Variants in LRRC49 observed in about 807,000 individuals in gnomAD.
LRRC49 encodes leucine rich repeat containing 49.
Under a neutral mutation model 83.3 loss-of-function variants are expected in LRRC49, and 50 were observed. That is an observed-to-expected ratio of 0.60 (90% CI 0.48 to 0.76). LRRC49 has a LOEUF of 0.76. Ranked by LOEUF, LRRC49 falls within the 30% of genes least tolerant of loss-of-function variation. The probability of loss-of-function intolerance (pLI) is 0.00; values close to 1 mark genes in which losing one functional copy is unlikely to be tolerated. For missense variants in LRRC49, 704 were observed against 809.1 expected (o/e 0.87, Z 1.58); for synonymous variants, 286 against 283.3 (o/e 1.01, Z -0.10).
intron 14 of LRRC49, among the ~76,000 whole-genome samples, chr15:71,027,174 T>C (rs2039199325): frequency 6.6e-6 from 1 of 152,244 alleles, no homozygotes; most frequent in African/African-American, 2.4e-5. Flanking sequence ...TAGCCAGTTT[T>C]CCCAGCACCA....
At chr15:70,956,273 G>A (rs1314104226) in intron 8 of LRRC49, among the ~76,000 whole-genome samples, 1 of 152,012 alleles carries the variant, frequency 6.6e-6, no homozygotes, top group African/African-American at 2.4e-5. Context: ...TTCCTTTCGG[G>A]ATATGAATTT....
chr15:70,959,221 G>A (rs544395749), intron 8 of LRRC49, among the ~76,000 whole-genome samples: 5 of 152,208 alleles, frequency 3.3e-5, no homozygotes, highest in East Asian at 1.9e-4. Context: ...GGCTGGATGC[G>A]GTGGCTCACG....
Position 70,963,802 on chromosome 15 carries a change from G to A in LRRC49, c.791G>A (p.Cys264Tyr). 6.2e-7 allele frequency: 1 copy of A among 1,613,320 alleles called. No individual in the cohort carries two copies. Among genetic ancestry groups the A allele is most frequent in the South Asian group, 1.1e-5 (1 of 90,958 alleles). ...NNISSFDSVS[C>Y]LADSSSLSDI... ...TCCTGCAGTTTTGACAGTGTTTCCT[G>A]CCTTGCTGACTCTTCTTCCCTCTCG... The change falls in exon 9 of 16, where the codon TGC (cysteine) becomes TAC (tyrosine). Residue 264 changes from cysteine to tyrosine, a missense_variant. Physicochemically the swap from Cys to Tyr is radical, Grantham distance 194. Coordinates refer to ENST00000260382, the MANE Select transcript of LRRC49 (RefSeq NM_017691.5).
upstream of LRRC49, chr15:70,892,530 T>C: frequency 1.3e-6 from 2 of 1,516,942 alleles, no homozygotes; most frequent in East Asian, 2.5e-5. Flanking sequence ...GATACAAATT[T>C]CGCGCGGGCA....
At chr15:70,941,077 G>C (rs550112566) in intron 8 of LRRC49, among the ~76,000 whole-genome samples, 2 of 152,126 alleles carry the variant, frequency 1.3e-5, no homozygotes, top group Non-Finnish European at 2.9e-5. Flanking sequence ...GTATAGTAAG[G>C]TGGCATATAG....
chr15:70,939,603 G>T (rs2035729287), intron 8 of LRRC49, among the ~76,000 whole-genome samples: 1 of 152,128 alleles, frequency 6.6e-6, no homozygotes, highest in African/African-American at 2.4e-5. Flanking sequence ...AGGGTGGTGG[G>T]TGTGGTGTGT....
intron 9 of LRRC49, among the ~76,000 whole-genome samples, chr15:70,976,958 C>T (rs1442054465): frequency 2.0e-5 from 3 of 152,030 alleles, no homozygotes; most frequent in Non-Finnish European, 4.4e-5. Context: ...ATCCAGTTTT[C>T]CAAGGTTTAG....
At chr15:71,043,379 C>T (rs960297894) in intron 15 of LRRC49, among the ~76,000 whole-genome samples, 1 of 152,168 alleles carries the variant, frequency 6.6e-6, no homozygotes, top group Non-Finnish European at 1.5e-5. Context: ...TAGTTTATCT[C>T]ATCAGAATTG....
chr15:70,970,010 T>G (rs921176230), intron 9 of LRRC49, among the ~76,000 whole-genome samples: 2 of 152,168 alleles, frequency 1.3e-5, no homozygotes, highest in African/African-American at 4.8e-5. Context: ...CTTCCAATAC[T>G]ATGTTGAATA....
chr15:70,893,614 A>T lies in LRRC49; in HGVS notation c.79A>T (p.Thr27Ser), dbSNP rs1021317873. The T allele has an allele frequency of 1.2e-6, 2 of 1,611,258 alleles. No homozygotes were observed. The highest frequency in any genetic ancestry group is 1.3e-5 in the African/African-American group (1 of 74,738). ...CTGCGGGCTTCATCTGGTTATTCAA[A>T]CATCATCGCTTCCTGAAAAAAACAA... The part of the protein sequence containing the change: ...VNCGLHLVIQ[T>S]SSLPEKNKVE... The change falls in exon 2 of 16, where the codon ACA becomes TCA. Residue 27 changes from threonine to serine, a missense_variant. Physicochemically the swap from Thr to Ser is moderately conservative, Grantham distance 58. Around this residue, in one of 3 missense-constraint regions of LRRC49, gnomAD observed 261 missense variants for 330.5 expected, o/e 0.79. Coordinates refer to ENST00000260382, the MANE Select transcript of LRRC49 (RefSeq NM_017691.5).
At chr15:70,898,010 T>C (rs898874085) in intron 3 of LRRC49, among the ~76,000 whole-genome samples, 2 of 152,210 alleles carry the variant, frequency 1.3e-5, no homozygotes, top group African/African-American at 4.8e-5. Context: ...AAGATTTTGG[T>C]TACCAAAACA....
upstream of LRRC49, among the ~76,000 whole-genome samples, chr15:70,887,812 A>G (rs1449672774): frequency 6.6e-6 from 1 of 152,206 alleles, no homozygotes; most frequent in African/African-American, 2.4e-5. Context: ...ATTTTTGTAC[A>G]TGTATAAAAT....
rs192866968 is a variant in LRRC49 at position 70,902,731 on chromosome 15, G to A, written c.296+1707G>A. Among the ~76,000 whole-genome samples the A allele has an allele frequency of 1.3e-5, 2 of 152,152 alleles. 1 individual carries two copies. Among genetic ancestry groups the A allele is most frequent in the South Asian group, 4.1e-4 (2 of 4,822 alleles). On this transcript the variant is annotated intron_variant, in intron 4 of 15. Coordinates refer to ENST00000260382, the MANE Select transcript of LRRC49 (RefSeq NM_017691.5). ...CTGGCTGTTTTGGGAGTTAGGTTAG[G>A]CCTGGAGTACCAGGAAGGCAGCCTA...
chr15:70,984,981 A>G lies in LRRC49; in HGVS notation c.1169+724A>G, dbSNP rs1254773227. ...AACTCATCATTTTTTATGGCTGCAT[A>G]GTATTCCATGGTGTATATGTGCCAC... On this transcript the variant is annotated intron_variant, in intron 11 of 15. Coordinates refer to ENST00000260382, the MANE Select transcript of LRRC49 (RefSeq NM_017691.5). Among the ~76,000 whole-genome samples, 3 of 143,092 alleles carry G rather than the reference A, an allele frequency of 2.1e-5. No homozygotes were observed. The Admixed American group carries it at 2.1e-4, about 10-fold the overall frequency. 93.9% of individuals were successfully genotyped at this position (143,092 alleles called of 152,430 possible).
intron 1 of LRRC49, among the ~76,000 whole-genome samples, chr15:70,857,178 G>A (rs989418244): frequency 6.6e-6 from 1 of 152,172 alleles, no homozygotes; most frequent in African/African-American, 2.4e-5. Context: ...AAGCCATCAG[G>A]ATGGACTGAG....
intron 1 of LRRC49, chr15:70,853,900 G>A: frequency 7.5e-7 from 1 of 1,337,410 alleles, no homozygotes; most frequent in East Asian, 3.2e-5. Flanking sequence ...TGTGCCCGCG[G>A]CTCGGCTCCT....
intron 15 of LRRC49, 49 bp downstream of exon 15, chr15:71,037,381 A>G (rs759516009): frequency 1.7e-5 from 24 of 1,444,838 alleles, no homozygotes; most frequent in Admixed American, 9.1e-5. Flanking sequence ...TATATCCCAC[A>G]TGGCTTGGAA....
intron 9 of LRRC49, among the ~76,000 whole-genome samples, chr15:70,972,094 T>C (rs1017490828): frequency 3.9e-5 from 6 of 152,206 alleles, no homozygotes; most frequent in Non-Finnish European, 8.8e-5. Context: ...GTCTTTACAC[T>C]TTGGTTTGTT....
chr15:70,995,347 G>C (rs1264370128), intron 11 of LRRC49, among the ~76,000 whole-genome samples: 1 of 152,174 alleles, frequency 6.6e-6, no homozygotes, highest in East Asian at 1.9e-4. Flanking sequence ...GTCAAAGTAA[G>C]TTTTTGAGGT....
Sources: allele counts gnomAD v4.1 joint callset (sites outside exome capture counted in the v4.1 genomes callset), GRCh38; gene constraint gnomAD v4.1.1; regional missense constraint gnomAD v4.1.1; transcripts MANE v1.5; gene names NCBI Gene and HGNC (gene_info 2026-07-23, HGNC 2026-07-21).